The following GNG10 variants were observed in gnomAD, a reference collection of about 807,000 sequenced individuals.
GNG10 encodes the protein G protein subunit gamma 10, also known as guanine nucleotide-binding protein G(I)/G(S)/G(O) subunit gamma-10.
In GNG10, 7 loss-of-function variants were observed where a neutral mutation model predicts 6.8. The ratio of observed to expected loss-of-function variants is 1.02; its 90% CI spans 0.58 to 1.92. GNG10 has a LOEUF of 1.92. Ranked by LOEUF, GNG10 falls within the 30% of genes most tolerant of loss-of-function variation. GNG10 has a pLI of 0.00. For missense variants in GNG10, 57 were observed against 86.1 expected, an observed-to-expected ratio of 0.66 and a Z score of 1.34; for synonymous variants, 28 against 34.8, an observed-to-expected ratio of 0.80 and a Z score of 0.69.
rs563803644 is a variant in GNG10 at position 111,666,019 on chromosome 9, G to C, written c.82-796G>C. On this transcript the variant is annotated intron_variant, in intron 1 of 2. Coordinates refer to ENST00000374293, the MANE Select transcript of GNG10 (RefSeq NM_001017998.4). ...CAAAGTGCTGGGATTACAGGTGTGA[G>C]CCACTGCGCCCAGCCACAGTCAGCC... Among the ~76,000 whole-genome samples the C allele has an allele frequency of 1.2e-3, 176 of 151,568 alleles. 1 individual carries two copies. Among genetic ancestry groups the C allele is most frequent in the African/African-American group, 4.0e-3 (163 of 41,248 alleles).
chr9:111,662,174 A>G (rs1298959470), intron 1 of GNG10, among the ~76,000 whole-genome samples: 1 of 152,062 alleles, frequency 6.6e-6, no homozygotes, highest in Non-Finnish European at 1.5e-5. Context: ...CCGCCGAGGT[A>G]GAGAGGAGGG....
intron 1 of GNG10, among the ~76,000 whole-genome samples, chr9:111,662,754 A>G (rs1008625202): frequency 3.9e-5 from 6 of 152,208 alleles, no homozygotes; most frequent in African/African-American, 1.4e-4. Context: ...AGTGGAGTGA[A>G]GATAATAAAC....
At chr9:111,667,640 C>T (rs1830925397) in intron 2 of GNG10, among the ~76,000 whole-genome samples, 1 of 152,102 alleles carries the variant, frequency 6.6e-6, no homozygotes, top group Non-Finnish European at 1.5e-5. Context: ...TAAGGACTCC[C>T]CAGAGTGGGA....
intron 2 of GNG10, among the ~76,000 whole-genome samples, chr9:111,668,897 T>C (rs1830954900): frequency 6.6e-6 from 1 of 151,890 alleles, no homozygotes; most frequent in Non-Finnish European, 1.5e-5. Flanking sequence ...TGCTCTTGTT[T>C]CCAGGCTGCA....
Position 111,666,770 on chromosome 9 carries a change from G to A in GNG10, c.82-45G>A, listed in dbSNP as rs761565283. The A allele has an allele frequency of 5.0e-6, 8 of 1,591,574 alleles. No individual in the cohort carries two copies. The South Asian group carries it at 7.8e-5, about 16-fold the overall frequency. ...TCAGAATATCCTTGACTGCCGGGTGGCTTGGCTGTGAGCAGGGTGCCATGT... is the reference window on the plus strand; with the variant it reads ...TCAGAATATCCTTGACTGCCGGGTGACTTGGCTGTGAGCAGGGTGCCATGT... On this transcript the variant is annotated intron_variant, in intron 1 of 2. Coordinates refer to ENST00000374293, the MANE Select transcript of GNG10 (RefSeq NM_001017998.4).
In GNG10 at chr9:111,661,687, A is replaced by G; in HGVS notation, c.53A>G (p.Lys18Arg). The G allele has an allele frequency of 7.2e-7, 1 of 1,384,780 alleles. No individual in the cohort carries two copies. Among genetic ancestry groups the G allele is most frequent in the South Asian group, 1.5e-5 (1 of 68,562 alleles). The allele number at this position is 1,384,780 out of a possible 1,614,324, so 85.8% of individuals were successfully genotyped here. A position where few individuals can be genotyped will look rare whatever the true frequency, so the allele number is the denominator to read the frequency against. The change falls in exon 1 of 3, where the codon AAG (lysine) becomes AGG (arginine). Residue 18 changes from lysine (K) to arginine (R), a missense_variant. Coordinates refer to ENST00000374293, the MANE Select transcript of GNG10 (RefSeq NM_001017998.4). This position sits in a 1 kb window ranked among gnomAD's most constrained non-coding sequence, Gnocchi z 6.1. ...SALQRLVEQL[K>R]LEAGVERIKV... Reference sequence around the variant, plus strand: ...CTGCAGCGCTTGGTAGAGCAGCTCAAGTTGGAGGCTGGCGTGGAGAGGATC... The same window carrying G: ...CTGCAGCGCTTGGTAGAGCAGCTCAGGTTGGAGGCTGGCGTGGAGAGGATC...
intron 1 of GNG10, among the ~76,000 whole-genome samples, chr9:111,662,287 G>C (rs976099079): frequency 6.6e-6 from 1 of 152,112 alleles, no homozygotes; most frequent in Non-Finnish European, 1.5e-5. Flanking sequence ...AGCGCCCAGG[G>C]CTGAAAGAGG....
intron 1 of GNG10, 96 bp from the exon 2 acceptor site, chr9:111,666,719 A>G (rs543145395): frequency 1.2e-5 from 17 of 1,455,714 alleles, no homozygotes; most frequent in African/African-American, 1.4e-5. Context: ...CAAAAAGTTG[A>G]TATTTACCAA....
rs1404728298 is a variant in GNG10 at position 111,661,796 on chromosome 9, C to A, written c.81+81C>A. 2 of 821,660 alleles carry A rather than the reference C, an allele frequency of 2.4e-6. No homozygotes were observed. The highest frequency in any genetic ancestry group is 3.2e-6 in the Non-Finnish European group (2 of 627,546). The allele number at this position is 821,660 out of a possible 1,614,324, so 50.9% of individuals were successfully genotyped here. On this transcript the variant is annotated intron_variant, in intron 1 of 2. Transcript: ENST00000374293. This position sits in a 1 kb window ranked among gnomAD's most constrained non-coding sequence, Gnocchi z 6.1. ...GGAGGCCGGCGGCCCGGACCGGGCGCCAGCGGGGGACTCGGTGGCGGCGGC... is the reference window on the plus strand; with the variant it reads ...GGAGGCCGGCGGCCCGGACCGGGCGACAGCGGGGGACTCGGTGGCGGCGGC...
chr9:111,665,955 C>T (rs564197589), intron 1 of GNG10, among the ~76,000 whole-genome samples: 11 of 146,602 alleles, frequency 7.5e-5, no homozygotes, highest in Admixed American at 4.8e-4. Context: ...AGGCTGGTCT[C>T]GAACTCCTGA....
intron 1 of GNG10, among the ~76,000 whole-genome samples, chr9:111,662,228 G>A (rs530484890): frequency 1.3e-5 from 2 of 152,260 alleles, no homozygotes; most frequent in African/African-American, 4.8e-5. Context: ...CGGACCTGGG[G>A]ACTCCGGGGA....
In GNG10 at chr9:111,665,749, G is replaced by A. The variant is rs575716152; in HGVS notation, c.82-1066G>A. Among the ~76,000 whole-genome samples, 19 of 151,608 alleles carry A rather than the reference G, an allele frequency of 1.3e-4. No homozygotes were observed. The East Asian group carries it at 2.3e-3, about 19-fold the overall frequency. On this transcript the variant is annotated intron_variant, in intron 1 of 2. Coordinates refer to ENST00000374293, the MANE Select transcript of GNG10 (RefSeq NM_001017998.4). ...TTTTCTTTTTTTGTTTTTTTGAGACGGAGTTTTGCTCTTGTCACCCAGCTT... is the reference window on the plus strand; with the variant it reads ...TTTTCTTTTTTTGTTTTTTTGAGACAGAGTTTTGCTCTTGTCACCCAGCTT...
At chr9:111,664,517 T>C (rs926281916) in intron 1 of GNG10, among the ~76,000 whole-genome samples, 1 of 152,056 alleles carries the variant, frequency 6.6e-6, no homozygotes, top group Non-Finnish European at 1.5e-5. Context: ...AACTCCTCCT[T>C]TAGAGGAGCC....
chr9:111,668,880 G>A lies in GNG10; in HGVS notation c.*7-389G>A, dbSNP rs1429671931. On this transcript the variant is annotated intron_variant, in intron 2 of 2. Coordinates refer to ENST00000374293, the MANE Select transcript of GNG10 (RefSeq NM_001017998.4). ...CTTTCATTTTTTTTTTGTTTGAGAC[G>A]GAGTTTTGCTCTTGTTTCCAGGCTG... Among the ~76,000 whole-genome samples, 3 of 151,690 alleles carry A rather than the reference G, an allele frequency of 2.0e-5. No individual in the cohort carries two copies. The East Asian group carries it at 5.9e-4, about 30-fold the overall frequency.
rs1311076052 is a variant in GNG10 at position 111,661,731 on chromosome 9, A to G, written c.81+16A>G. The stretch of plus-strand genomic sequence containing the variant: ...GAGGATCAAGGTGCGGGCCCCGGGT[A>G]CCCACGCTCCGGTCCTTCCGCCCGC... On this transcript the variant is annotated intron_variant, in intron 1 of 2. Coordinates refer to ENST00000374293, the MANE Select transcript of GNG10 (RefSeq NM_001017998.4). This position sits in a 1 kb window ranked among gnomAD's most constrained non-coding sequence, Gnocchi z 6.1. 1.1e-5 allele frequency: 15 copies of G among 1,313,510 alleles called. No homozygotes were observed. The highest frequency in any genetic ancestry group is 1.5e-5 in the African/African-American group (1 of 65,320). 81.4% of individuals were successfully genotyped at this position (1,313,510 alleles called of 1,614,324 possible).
At position 111,669,932 on chromosome 9, in the gene GNG10, G is replaced by A. The variant is rs1162583228; in HGVS notation, c.*670G>A. ...AGGCTGCCCCATCGTGTATATAAAT[G>A]AAGCAGATTTGATTTTTGTATTCTT... On this transcript the variant is annotated 3_prime_UTR_variant, in exon 3 of 3. Transcript: ENST00000374293. The A allele has an allele frequency of 7.0e-6, 1 of 142,888 alleles. No individual in the cohort carries two copies. Among genetic ancestry groups the A allele is most frequent in the Non-Finnish European group, 1.5e-5 (1 of 66,512 alleles). 8.9% of individuals were successfully genotyped at this position (142,888 alleles called of 1,614,324 possible).
intron 1 of GNG10, among the ~76,000 whole-genome samples, chr9:111,662,894 A>G (rs866334414): frequency 3.1e-4 from 47 of 152,294 alleles, no homozygotes; most frequent in African/African-American, 7.7e-4. Context: ...TTAAAGAGGA[A>G]ATAACGTGTT....
Position 111,661,731 on chromosome 9 carries a change from A to C in GNG10, c.81+16A>C. 1 of 1,313,616 alleles carries C rather than the reference A, an allele frequency of 7.6e-7. No homozygotes were observed. Among genetic ancestry groups the C allele is most frequent in the Non-Finnish European group, 9.9e-7 (1 of 1,007,380 alleles). The allele number at this position is 1,313,616 out of a possible 1,614,324, so 81.4% of individuals were successfully genotyped here. ...GAGGATCAAGGTGCGGGCCCCGGGT[A>C]CCCACGCTCCGGTCCTTCCGCCCGC... On this transcript the variant is annotated intron_variant, in intron 1 of 2. Transcript: ENST00000374293. This position sits in a 1 kb window ranked among gnomAD's most constrained non-coding sequence, Gnocchi z 6.1.
At chr9:111,665,411 G>A (rs535315101) in intron 1 of GNG10, among the ~76,000 whole-genome samples, 1 of 152,184 alleles carries the variant, frequency 6.6e-6, no homozygotes, top group African/African-American at 2.4e-5. Context: ...CTAGGTTCAG[G>A]TGTACAGTTC....
Sources: allele counts gnomAD v4.1 joint callset (sites outside exome capture counted in the v4.1 genomes callset), GRCh38; gene constraint gnomAD v4.1.1; non-coding constraint Gnocchi (gnomAD v3.1); transcripts MANE v1.5; gene names NCBI Gene and HGNC (gene_info 2026-07-23, HGNC 2026-07-21).